SLC35E1: variants seen among roughly 807,000 people sequenced by gnomAD.
SLC35E1 encodes solute carrier family 35 member E1, also known as solute carrier family 35, member E1.
In SLC35E1, 12 loss-of-function variants were observed where a neutral mutation model predicts 31.0. The observed-to-expected ratio is 0.39, with a 90% CI of 0.25 to 0.63. The LOEUF is 0.63. Among genes scored for constraint, SLC35E1 ranks in the 20% least tolerant of loss-of-function variants. SLC35E1 has a pLI of 0.52. For synonymous variants in SLC35E1, 257 were observed against 264.1 expected (o/e 0.97, Z 0.26); for missense variants, 429 against 572.2 (o/e 0.75, Z 2.55).
At chr19:16,571,869 C>T in intron 1 of SLC35E1, 75 bp downstream of exon 1, 1 of 1,429,414 alleles carries the variant, frequency 7.0e-7, no homozygotes, top group Non-Finnish European at 9.4e-7. Context: ...CCCCGGGCGG[C>T]GCACTCCTAT....
At chr19:16,560,954 C>T (rs893810724) in intron 4 of SLC35E1, among the ~76,000 whole-genome samples, 1 of 144,832 alleles carries the variant, frequency 6.9e-6, no homozygotes, top group African/African-American at 2.5e-5. Context: ...GTAATCCTAT[C>T]TCTTTGGGAG....
intron 2 of SLC35E1, among the ~76,000 whole-genome samples, chr19:16,568,491 G>C (rs1396360208): frequency 2.0e-5 from 3 of 152,232 alleles, no homozygotes; most frequent in African/African-American, 7.2e-5. Flanking sequence ...ACCAGGGTTT[G>C]AAGCCCTGAT....
At chr19:16,571,442 C>T (rs1368709425) in intron 2 of SLC35E1, 70 bp downstream of exon 2, 9 of 1,528,972 alleles carry the variant, frequency 5.9e-6, no homozygotes, top group Non-Finnish European at 8.2e-6. Context: ...ATCCTGACCA[C>T]GTCACCAGTT....
Position 16,572,357 on chromosome 19 carries a change from G to A in SLC35E1, c.8C>T (p.Ala3Val). The A allele has an allele frequency of 1.9e-6, 2 of 1,026,000 alleles. No individual in the cohort carries two copies. The highest frequency in any genetic ancestry group is 2.3e-6 in the Non-Finnish European group (2 of 854,230). The allele number at this position is 1,026,000 out of a possible 1,614,324, so 63.6% of individuals were successfully genotyped here. Residue 3 changes from alanine to valine, a missense_variant, in exon 1 of 6, where the codon GCG becomes GTG. Transcript: ENST00000595753. The surrounding 1 kb of genome is among the most constrained non-coding windows in gnomAD (Gnocchi z 4.1). MA[A>V]AAVGAGHGAG... ...GCCGTGGCCCGCGCCCACCGCGGCC[G>A]CCGCCATCCTGCCCGAGCGGCCGCC... is the stretch of plus-strand genomic sequence containing the variant.
chr19:16,559,469 C>T (rs1433038494), intron 4 of SLC35E1, among the ~76,000 whole-genome samples: 1 of 104,978 alleles, frequency 9.5e-6, no homozygotes, highest in Non-Finnish European at 2.1e-5. Context: ...AAAATACACA[C>T]ACACACACAC....
rs2085856436 is a variant in SLC35E1 at position 16,553,510 on chromosome 19, A to G, written c.*169T>C. 1.9e-6 allele frequency: 1 copy of G among 517,092 alleles called. No homozygotes were observed. Among genetic ancestry groups the G allele is most frequent in the Non-Finnish European group, 3.2e-6 (1 of 310,734 alleles). 32.0% of individuals were successfully genotyped at this position (517,092 alleles called of 1,614,324 possible). On this transcript the variant is annotated 3_prime_UTR_variant, in exon 6 of 6. Coordinates refer to ENST00000595753, the MANE Select transcript of SLC35E1 (RefSeq NM_024881.5). ...CTCACGGCCGTCTGCACTGCAGGCA[A>G]CGCATCCTCCTGCGGCTCACGGGGG... is the stretch of plus-strand genomic sequence containing the variant.
Position 16,571,193 on chromosome 19 carries a change from G to A in SLC35E1, c.492+319C>T, listed in dbSNP as rs567130680. 6.6e-5 allele frequency among the ~76,000 whole-genome samples: 10 copies of A among 151,976 alleles called. 1 individual carries two copies. In the East Asian group the frequency reaches 1.7e-3, roughly 26 times the overall value. ...GGCCACACATGGGGTGTATGGCCAA[G>A]ATGTGACCAACCCATCACCTACCAG... On this transcript the variant is annotated intron_variant, in intron 2 of 5. Transcript: ENST00000595753.
intron 4 of SLC35E1, chr19:16,556,970 T>C (rs1039800232): frequency 4.2e-6 from 2 of 471,198 alleles, no homozygotes; most frequent in African/African-American, 4.0e-5. Flanking sequence ...ACTGGAGGAA[T>C]AGCCCCTGTA....
chr19:16,570,446 GAA>G (rs2085951744), intron 2 of SLC35E1, among the ~76,000 whole-genome samples: 2 of 152,190 alleles, frequency 1.3e-5, no homozygotes, highest in Admixed American at 6.5e-5. Context: ...CAACCACTTG[GAA>G]AAGAGGCACG....
In SLC35E1 at chr19:16,571,422, G is replaced by T. The variant is rs985033877; in HGVS notation, c.492+90C>A. 3.6e-6 allele frequency: 5 copies of T among 1,384,242 alleles called. No homozygotes were observed. In the African/African-American group the frequency reaches 7.1e-5, roughly 20 times the overall value. 85.7% of individuals were successfully genotyped at this position (1,384,242 alleles called of 1,614,324 possible). A position where few individuals can be genotyped will look rare whatever the true frequency, so the allele number is the denominator to read the frequency against. On this transcript the variant is annotated intron_variant, in intron 2 of 5. Coordinates refer to ENST00000595753, the MANE Select transcript of SLC35E1 (RefSeq NM_024881.5). Reference sequence around the variant, plus strand: ...TATTTGACGGGAAGCCAGGCAGCCTGCAGACCAGGATCCTGACCACGTCAC... The same window carrying T: ...TATTTGACGGGAAGCCAGGCAGCCTTCAGACCAGGATCCTGACCACGTCAC...
chr19:16,562,993 T>G (rs902186639), intron 4 of SLC35E1, among the ~76,000 whole-genome samples: 7 of 151,474 alleles, frequency 4.6e-5, no homozygotes, highest in African/African-American at 9.6e-5. Context: ...GGATTACATG[T>G]GTGAGGCACT....
rs1387699949 is a variant in SLC35E1, at chr19:16,551,748, ATTCC to A, written c.*1927_*1930del. ...TTGATTTCTGCCAAGACCCAAACTG[ATTCC>A]TTTTTTTTTTTTTTTTTTTTGAGAC... On this transcript the variant is annotated 3_prime_UTR_variant, in exon 6 of 6. Coordinates refer to ENST00000595753, the MANE Select transcript of SLC35E1 (RefSeq NM_024881.5). 1.5e-5 allele frequency: 2 copies of A among 135,898 alleles called. No homozygotes were observed. Among genetic ancestry groups the A allele is most frequent in the Non-Finnish European group, 3.1e-5 (2 of 63,732 alleles). 8.4% of individuals were successfully genotyped at this position (135,898 alleles called of 1,614,324 possible).
chr19:16,570,405 T>C (rs770701953), intron 2 of SLC35E1, among the ~76,000 whole-genome samples: 6 of 152,156 alleles, frequency 3.9e-5, no homozygotes, highest in Non-Finnish European at 5.9e-5. Flanking sequence ...ACTACCTCTC[T>C]GAGTTACATA....
chr19:16,560,526 C>A (rs2085899269), intron 4 of SLC35E1, among the ~76,000 whole-genome samples: 2 of 152,008 alleles, frequency 1.3e-5, no homozygotes, highest in South Asian at 2.1e-4. Context: ...TTGTCAGGAG[C>A]CTGGGAAGCA....
chr19:16,572,066 C>G lies in SLC35E1; in HGVS notation c.299G>C (p.Gly100Ala). Residue 100 changes from glycine (G) to alanine (A), a missense_variant, in exon 1 of 6, where the codon GGC becomes GCC. Transcript: ENST00000595753. This position sits in a 1 kb window ranked among gnomAD's most constrained non-coding sequence, Gnocchi z 4.1. ...GPGPSPHPSS[G>A]PLLPPRFYPR... ...GTAGAAGCGCGGCGGCAGCAGCGGG[C>G]CGGACGACGGATGCGGACTGGGTCC... The G allele has an allele frequency of 1.3e-6, 2 of 1,538,930 alleles. No homozygotes were observed. Among genetic ancestry groups the G allele is most frequent in the Non-Finnish European group, 1.8e-6 (2 of 1,142,418 alleles).
At chr19:16,554,869 G>A (rs1270800597) in intron 5 of SLC35E1, among the ~76,000 whole-genome samples, 1 of 150,558 alleles carries the variant, frequency 6.6e-6, no homozygotes, top group Admixed American at 6.6e-5. Flanking sequence ...AGCCCTCCCT[G>A]TTGGCCATCC....
chr19:16,558,453 CA>C (rs377025885), intron 4 of SLC35E1, among the ~76,000 whole-genome samples: 10 of 152,104 alleles, frequency 6.6e-5, no homozygotes, highest in African/African-American at 2.4e-4. Context: ...TCACCTGCCT[CA>C]GCCTGCCAAG....
rs1258822687 is a variant in SLC35E1, at chr19:16,572,013, C to A, written c.352G>T (p.Gly118Cys). The A allele has an allele frequency of 1.7e-5, 27 of 1,545,852 alleles. No homozygotes were observed. The highest frequency in any genetic ancestry group is 2.3e-5 in the Non-Finnish European group (26 of 1,145,088). ...GCTGACACGGACGCGAAGTACTTGC[C>A]GAAGGCGAGCGGTAGCACGTAGCGC... is the stretch of plus-strand genomic sequence containing the variant. ...YPRYVLPLAFGKYFASVSAHV... is the reference protein window; with the variant it reads ...YPRYVLPLAFCKYFASVSAHV... The change falls in exon 1 of 6, where the codon GGC (glycine) becomes TGC (cysteine). Residue 118 changes from glycine (G) to cysteine (C), a missense_variant. Physicochemically the swap from Gly to Cys is radical, Grantham distance 159 (BLOSUM62 -3). Coordinates refer to ENST00000595753, the MANE Select transcript of SLC35E1 (RefSeq NM_024881.5). The surrounding 1 kb of genome is among the most constrained non-coding windows in gnomAD (Gnocchi z 4.1).
At chr19:16,558,065 TA>T (rs2085884403) in intron 4 of SLC35E1, among the ~76,000 whole-genome samples, 1 of 151,602 alleles carries the variant, frequency 6.6e-6, no homozygotes, top group African/African-American at 2.4e-5. Flanking sequence ...TTTTTTGAGA[TA>T]GAGTTTTGCT....
Sources: allele counts gnomAD v4.1 joint callset (sites outside exome capture counted in the v4.1 genomes callset), GRCh38; gene constraint gnomAD v4.1.1; non-coding constraint Gnocchi (gnomAD v3.1); transcripts MANE v1.5; gene names NCBI Gene and HGNC (gene_info 2026-07-23, HGNC 2026-07-21).